Variants in CMTR1 observed in about 807,000 individuals in gnomAD.
CMTR1 encodes cap methyltransferase 1, also known as cap-specific mRNA (nucleoside-2'-O-)-methyltransferase 1.
In CMTR1, 39 loss-of-function variants were observed where a neutral mutation model predicts 107.0. That is an observed-to-expected ratio of 0.36 (90% CI 0.28 to 0.48). The LOEUF (loss-of-function observed/expected upper bound fraction) is 0.48. CMTR1 is among the 20% of genes least tolerant of loss of function. The pLI is 0.99. For missense variants in CMTR1, 672 were observed against 1,064.9 expected (o/e 0.63, Z 5.14); for synonymous variants, 366 against 379.5 (o/e 0.96, Z 0.41).
In CMTR1 at chr6:37,454,380, T is replaced by C. The variant is rs112019940; in HGVS notation, c.777+1068T>C. Among the ~76,000 whole-genome samples, 746 of 152,358 alleles carry C rather than the reference T, an allele frequency of 4.9e-3. 14 individuals are homozygous for C. Among genetic ancestry groups the C allele is most frequent in the African/African-American group, 0.017 (715 of 41,592 alleles). On this transcript the variant is annotated intron_variant, in intron 8 of 23. Coordinates refer to ENST00000373451, the MANE Select transcript of CMTR1 (RefSeq NM_015050.3). ...CTCATTTTTCACTCCCAGGTCTCCC[T>C]TCCCATTCTCCAGTACCAGCAGGCA...
At chr6:37,450,401 C>A in intron 5 of CMTR1, 58 bp downstream of exon 5, 2 of 1,299,590 alleles carry the variant, frequency 1.5e-6, no homozygotes, top group Non-Finnish European at 1.1e-6. Flanking sequence ...TTTTCACTTG[C>A]TCGAGTCTGG....
At chr6:37,445,973 C>T (rs2113868529) in intron 3 of CMTR1, among the ~76,000 whole-genome samples, 1 of 152,284 alleles carries the variant, frequency 6.6e-6, no homozygotes, top group East Asian at 1.9e-4. Context: ...CTGCTTCTCA[C>T]TTAATCAGAC....
At chr6:37,427,401 C>T in the CMTR1 span, among the ~76,000 whole-genome samples, 1 of 152,120 alleles carries the variant, frequency 6.6e-6, no homozygotes, top group African/African-American at 2.4e-5. This position sits in a 1 kb window ranked among gnomAD's most constrained non-coding sequence, Gnocchi z 4.4. Context: ...CTTCACCTTT[C>T]CAAAAAGGAC....
At chr6:37,433,534 C>G (rs1309209039) in intron 1 of CMTR1, among the ~76,000 whole-genome samples, 157 bp downstream of exon 1, 2 of 152,240 alleles carry the variant, frequency 1.3e-5, no homozygotes, top group Non-Finnish European at 2.9e-5. Flanking sequence ...ACCCCCAACG[C>G]CGGCTCCCTG....
Position 37,480,768 on chromosome 6 carries a change from G to C in CMTR1, c.*623G>C. ...GCCCAGAGCTCTGACAGTCCAGCAG[G>C]GTGGGAAGGAGGGAGTTTGGGCAAA... On this transcript the variant is annotated 3_prime_UTR_variant, in exon 24 of 24. Coordinates refer to ENST00000373451, the MANE Select transcript of CMTR1 (RefSeq NM_015050.3). 2.8e-6 allele frequency: 3 copies of C among 1,088,360 alleles called. No homozygotes were observed. The highest frequency in any genetic ancestry group is 3.4e-6 in the Non-Finnish European group (3 of 891,500). 67.4% of individuals were successfully genotyped at this position (1,088,360 alleles called of 1,614,324 possible).
At chr6:37,479,985 AC>A in intron 23 of CMTR1, 27 bp from the exon 24 acceptor site, 1 of 1,548,022 alleles carries the variant, frequency 6.5e-7, no homozygotes. Context: ...TGCAGTCCTG[AC>A]CTCTTTCCCA....
In CMTR1 at chr6:37,480,918, A is replaced by T. The variant is rs1761841062; in HGVS notation, c.*773A>T. 2 of 1,216,698 alleles carry T rather than the reference A, an allele frequency of 1.6e-6. No homozygotes were observed. The highest frequency in any genetic ancestry group is 1.6e-5 in the African/African-American group (1 of 63,346). The allele number at this position is 1,216,698 out of a possible 1,614,324, so 75.4% of individuals were successfully genotyped here. On this transcript the variant is annotated 3_prime_UTR_variant, in exon 24 of 24. Coordinates refer to ENST00000373451, the MANE Select transcript of CMTR1 (RefSeq NM_015050.3). ...ACATTGGGCAGCGCTAGATGGCAGG[A>T]AGCAGCCTTGAAGACCCGTCTTTCC...
chr6:37,430,735 C>A (rs537516064), upstream of CMTR1, among the ~76,000 whole-genome samples: 174 of 152,198 alleles, frequency 1.1e-3, 1 homozygote, highest in Middle Eastern at 6.8e-3. Flanking sequence ...TCAAAGTGGG[C>A]CGAGCACGTT....
chr6:37,469,716 CAG>C (rs1474299197), intron 13 of CMTR1, among the ~76,000 whole-genome samples: 1 of 151,370 alleles, frequency 6.6e-6, no homozygotes, highest in Admixed American at 6.6e-5. Context: ...TTAGTAGAGA[CAG>C]AGTTTTGCTA....
Position 37,453,118 on chromosome 6 carries a change from C to A in CMTR1, c.681C>A (p.Ile227=), listed in dbSNP as rs1761220286. The A allele has an allele frequency of 6.2e-7, 1 of 1,613,986 alleles. No homozygotes were observed. Among genetic ancestry groups the A allele is most frequent in the African/African-American group, 1.3e-5 (1 of 74,884 alleles). Residue 227 remains isoleucine, a synonymous_variant, in exon 7 of 24, where the codon ATC becomes ATA. Coordinates refer to ENST00000373451, the MANE Select transcript of CMTR1 (RefSeq NM_015050.3). The part of the protein sequence containing the change: ...ARTRANPYEM[I]RGVFFLNRAA... ...CTCGGGCCAATCCCTATGAGATGAT[C>A]CGAGGAGTCTTCTTTCTAAACAGGT...
chr6:37,454,802 C>A (rs1470016739), intron 8 of CMTR1, among the ~76,000 whole-genome samples: 1 of 152,158 alleles, frequency 6.6e-6, no homozygotes, highest in Admixed American at 6.5e-5. Context: ...TGATTTCTCT[C>A]GAGCCCCTGG....
Position 37,480,529 on chromosome 6 carries a change from G to C in CMTR1, c.*384G>C. On this transcript the variant is annotated 3_prime_UTR_variant, in exon 24 of 24. Coordinates refer to ENST00000373451, the MANE Select transcript of CMTR1 (RefSeq NM_015050.3). ...CTCACTTTTCTGAGTTCCATGCACTGCCCTGAGGGTAGCCATGCCCTTGCT... is the reference window on the plus strand; with the variant it reads ...CTCACTTTTCTGAGTTCCATGCACTCCCCTGAGGGTAGCCATGCCCTTGCT... 6 of 1,072,354 alleles carry C rather than the reference G, an allele frequency of 5.6e-6. No homozygotes were observed. The highest frequency in any genetic ancestry group is 5.6e-6 in the Non-Finnish European group (5 of 885,668). The allele number at this position is 1,072,354 out of a possible 1,614,324, so 66.4% of individuals were successfully genotyped here.
At chr6:37,457,174 T>C (rs1439111402) in intron 8 of CMTR1, among the ~76,000 whole-genome samples, 2 of 150,204 alleles carry the variant, frequency 1.3e-5, no homozygotes, top group Non-Finnish European at 3.0e-5. Flanking sequence ...AAGCTATTAT[T>C]GTACCACTGT....
chr6:37,473,462 G>A lies in CMTR1; in HGVS notation c.1690-8G>A. 1 of 1,612,000 alleles carries A rather than the reference G, an allele frequency of 6.2e-7. No homozygotes were observed. The highest frequency in any genetic ancestry group is 1.3e-5 in the African/African-American group (1 of 74,972). On this transcript the variant is annotated splice_region_variant and splice_polypyrimidine_tract_variant and intron_variant, in intron 16 of 23. Coordinates refer to ENST00000373451, the MANE Select transcript of CMTR1 (RefSeq NM_015050.3). The stretch of plus-strand genomic sequence containing the variant: ...CCCGGCAGTGTTTTCTCTGACTCGT[G>A]GCTGCAGGGCACTGAGATTGACATC...
intron 2 of CMTR1, among the ~76,000 whole-genome samples, chr6:37,439,984 T>G (rs1457713118): frequency 3.9e-5 from 6 of 152,192 alleles, no homozygotes; most frequent in Admixed American, 2.6e-4. Flanking sequence ...GTTTGTCCCA[T>G]TGCTGTATTG....
Position 37,480,948 on chromosome 6 carries a change from C to T in CMTR1, c.*803C>T, listed in dbSNP as rs535685312. ...GCCTTGAAGACCCGTCTTTCCCCCACAGCAGCAGGGGCCCCAGCAGTAACA... is the reference window on the plus strand; with the variant it reads ...GCCTTGAAGACCCGTCTTTCCCCCATAGCAGCAGGGGCCCCAGCAGTAACA... On this transcript the variant is annotated 3_prime_UTR_variant, in exon 24 of 24. Transcript: ENST00000373451. 3.2e-6 allele frequency: 4 copies of T among 1,242,936 alleles called. No homozygotes were observed. Among genetic ancestry groups the T allele is most frequent in the African/African-American group, 1.6e-5 (1 of 64,130 alleles). 77.0% of individuals were successfully genotyped at this position (1,242,936 alleles called of 1,614,324 possible).
At chr6:37,455,271 CG>C (rs1308337562) in intron 8 of CMTR1, among the ~76,000 whole-genome samples, 3 of 152,048 alleles carry the variant, frequency 2.0e-5, no homozygotes, top group Non-Finnish European at 2.9e-5. Context: ...TTAGTGGAGA[CG>C]GGGTTTCTCC....
In CMTR1 at chr6:37,480,109, G is replaced by C; in HGVS notation, c.2472G>C (p.Glu824Asp). The change falls in exon 24 of 24, where the codon GAG becomes GAC. Residue 824 changes from glutamate to aspartate, a missense_variant. Coordinates refer to ENST00000373451, the MANE Select transcript of CMTR1 (RefSeq NM_015050.3). ...AGGACCAGGACAAGCTGTCCAAGGAGGACGTCCTCTCCTTCATCCAGATGC... is the reference window on the plus strand; with the variant it reads ...AGGACCAGGACAAGCTGTCCAAGGACGACGTCCTCTCCTTCATCCAGATGC... ...KPQDQDKLSK[E>D]DVLSFIQMHR... The C allele has an allele frequency of 6.2e-7, 1 of 1,600,400 alleles. No homozygotes were observed.
chr6:37,448,034 TC>T (rs1771839669), intron 4 of CMTR1, among the ~76,000 whole-genome samples: 1 of 151,324 alleles, frequency 6.6e-6, no homozygotes, highest in African/African-American at 2.4e-5. Context: ...CACGGTGAAA[TC>T]CCGTCTCTAC....
Sources: allele counts gnomAD v4.1 joint callset (sites outside exome capture counted in the v4.1 genomes callset), GRCh38; gene constraint gnomAD v4.1.1; non-coding constraint Gnocchi (gnomAD v3.1); transcripts MANE v1.5; gene names NCBI Gene and HGNC (gene_info 2026-07-23, HGNC 2026-07-21).